The following PCDHA4 variants were observed in gnomAD, a reference collection of about 807,000 sequenced individuals.
The protein encoded by PCDHA4 is protocadherin alpha-4.
A neutral mutation model predicts 61.4 loss-of-function variants in PCDHA4; 49 were observed. The ratio of observed to expected loss-of-function variants is 0.80; its 90% confidence interval spans 0.63 to 1.01. The LOEUF (loss-of-function observed/expected upper bound fraction) is 1.01. Among genes scored for constraint, PCDHA4 ranks in the 50% least tolerant of loss-of-function variants. The pLI is 0.00. For missense variants in PCDHA4, 1,254 were observed against 1,235.8 expected (o/e 1.01, Z -0.22); for synonymous variants, 590 against 550.3 (o/e 1.07, Z -1.01).
chr5:140,828,105 CG>C (rs2150151018), intron 1 of PCDHA4: 1 of 1,610,250 alleles, frequency 6.2e-7, no homozygotes, highest in Non-Finnish European at 8.5e-7. Flanking sequence ...GTGTTTACCC[CG>C]GAGGATAGAT....
In PCDHA4 at chr5:140,809,053, C is replaced by T. The variant is rs1307759029; in HGVS notation, c.1866C>T (p.Phe622=). 4 of 1,613,756 alleles carry T rather than the reference C, an allele frequency of 2.5e-6. No homozygotes were observed. Among genetic ancestry groups the T allele is most frequent in the African/African-American group, 2.7e-5 (2 of 74,930 alleles). ...QPGTGGARIP[F]RVGLYTGEIS... ...GGACTGGTGGCGCGCGCATCCCGTT[C>T]CGCGTGGGGCTGTACACTGGCGAGA... The change falls in exon 1 of 4, where the codon TTC becomes TTT. Residue 622 remains phenylalanine, a synonymous_variant. Coordinates refer to ENST00000530339, the MANE Select transcript of PCDHA4 (RefSeq NM_018907.4).
At chr5:140,913,318 T>C (rs953831117) in intron 1 of PCDHA4, among the ~76,000 whole-genome samples, 1 of 152,188 alleles carries the variant, frequency 6.6e-6, no homozygotes, top group African/African-American at 2.4e-5. Flanking sequence ...CTTGGTAAGT[T>C]GTATGTGTCT....
At chr5:140,860,140 T>C (rs1451807345) in intron 1 of PCDHA4, 2 of 150,358 alleles carry the variant, frequency 1.3e-5, no homozygotes, top group African/African-American at 2.4e-5. Flanking sequence ...TGTGTATATA[T>C]ATGTATATAT....
intron 1 of PCDHA4, among the ~76,000 whole-genome samples, chr5:140,833,844 TAAC>T (rs1772686732): frequency 6.6e-6 from 1 of 152,198 alleles, no homozygotes; most frequent in African/African-American, 2.4e-5. Flanking sequence ...GGATTTTTCT[TAAC>T]AAGCGATACT....
At chr5:140,918,252 C>T (rs931753296) in intron 1 of PCDHA4, among the ~76,000 whole-genome samples, 1 of 152,078 alleles carries the variant, frequency 6.6e-6, no homozygotes, top group East Asian at 1.9e-4. Context: ...TATGCTGAAA[C>T]TTTGCTGGAG....
chr5:140,975,202 T>G (rs143285430), intron 1 of PCDHA4, among the ~76,000 whole-genome samples: 4 of 152,352 alleles, frequency 2.6e-5, no homozygotes, highest in African/African-American at 7.2e-5. Flanking sequence ...TCCATCTTCA[T>G]GGCTGGCACT....
At chr5:140,828,808 T>G (rs2150159222) in intron 1 of PCDHA4, 1 of 1,614,144 alleles carries the variant, frequency 6.2e-7, no homozygotes, top group East Asian at 2.2e-5. Context: ...ATGATAATGC[T>G]CCCACTTTCG....
chr5:140,817,846 T>G (rs1371942730), intron 1 of PCDHA4, among the ~76,000 whole-genome samples: 1 of 152,238 alleles, frequency 6.6e-6, no homozygotes, highest in East Asian at 1.9e-4. Flanking sequence ...ACTATCACTT[T>G]TGAGAAACAG....
chr5:140,991,152 C>A (rs533894396), intron 3 of PCDHA4, among the ~76,000 whole-genome samples: 29 of 152,168 alleles, frequency 1.9e-4, no homozygotes, highest in Non-Finnish European at 3.2e-4. Flanking sequence ...TTTTGCTCAC[C>A]ATTGTATTCC....
At chr5:140,941,901 GA>G (rs782298792) in intron 1 of PCDHA4, among the ~76,000 whole-genome samples, 1 of 152,130 alleles carries the variant, frequency 6.6e-6, no homozygotes, top group African/African-American at 2.4e-5. Context: ...AAGTAACATT[GA>G]AATGCTTTTA....
At chr5:140,828,498 A>T in intron 1 of PCDHA4, 1 of 1,614,228 alleles carries the variant, frequency 6.2e-7, no homozygotes, top group Middle Eastern at 1.6e-4. Flanking sequence ...TTCCCGGTAG[A>T]GGAACAAAGA....
chr5:140,934,534 GTTCTAA>G (rs1488792046), intron 1 of PCDHA4, among the ~76,000 whole-genome samples: 7 of 152,064 alleles, frequency 4.6e-5, no homozygotes, highest in Non-Finnish European at 7.4e-5. Flanking sequence ...GAGAGCTACC[GTTCTAA>G]TTCTATCATT....
At position 141,011,939 on chromosome 5, in the gene PCDHA4, A is replaced by T. The variant is rs955936849; in HGVS notation, c.*2002A>T. 5 of 153,690 alleles carry T rather than the reference A, an allele frequency of 3.3e-5. No individual in the cohort carries two copies. The highest frequency in any genetic ancestry group is 1.2e-4 in the African/African-American group (5 of 41,448). The allele number at this position is 153,690 out of a possible 1,614,324, so 9.5% of individuals were successfully genotyped here. A position where few individuals can be genotyped will look rare whatever the true frequency, so the allele number is the denominator to read the frequency against. On this transcript the variant is annotated 3_prime_UTR_variant, in exon 4 of 4. Coordinates refer to ENST00000530339, the MANE Select transcript of PCDHA4 (RefSeq NM_018907.4). ...TAAAAGAGGTAGGAGTCTGTTATTT[A>T]AAAAAAGCATTAAATTTAAAAAAAA...
chr5:140,882,270 T>C lies in PCDHA4; in HGVS notation c.2385+72698T>C, dbSNP rs782125538. ...GCTCTGAGGTTTTTGGAGTGTACCA[T>C]GCTGTCTTCCTGGCAAGGAGGCCCA... On this transcript the variant is annotated intron_variant, in intron 1 of 3. Coordinates refer to ENST00000530339, the MANE Select transcript of PCDHA4 (RefSeq NM_018907.4). 35 of 1,611,468 alleles carry C rather than the reference T, an allele frequency of 2.2e-5. 1 individual carries two copies. The South Asian group carries it at 3.9e-4, about 18-fold the overall frequency.
chr5:140,815,884 G>A (rs1765807249), intron 1 of PCDHA4: 1 of 152,042 alleles, frequency 6.6e-6, no homozygotes, highest in Non-Finnish European at 1.5e-5. Context: ...TTTCTTTTCA[G>A]CACTTTCAGT....
chr5:140,963,021 G>A (rs2095729854), intron 1 of PCDHA4, among the ~76,000 whole-genome samples: 1 of 152,150 alleles, frequency 6.6e-6, no homozygotes, highest in Non-Finnish European at 1.5e-5. Flanking sequence ...AGAAAATGAA[G>A]CAATTAACAT....
intron 3 of PCDHA4, among the ~76,000 whole-genome samples, chr5:141,000,414 TA>T (rs1441995674): frequency 2.8e-4 from 28 of 99,544 alleles, no homozygotes; most frequent in African/African-American, 3.7e-4. Flanking sequence ...TATATATATA[TA>T]TATATATTTT....
intron 1 of PCDHA4, chr5:140,855,801 T>C: frequency 2.1e-6 from 1 of 474,526 alleles, no homozygotes. Context: ...AACATATGAA[T>C]GAAAGAAAAG....
chr5:140,999,265 A>G (rs1554256725), intron 3 of PCDHA4, among the ~76,000 whole-genome samples: 1 of 152,226 alleles, frequency 6.6e-6, no homozygotes, highest in African/African-American at 2.4e-5. Flanking sequence ...GTAAAGGAAT[A>G]CTGCATAGTA....
Sources: allele counts gnomAD v4.1 joint callset (sites outside exome capture counted in the v4.1 genomes callset), GRCh38; gene constraint gnomAD v4.1.1; transcripts MANE v1.5; gene names NCBI Gene and HGNC (gene_info 2026-07-23, HGNC 2026-07-21).